SGMS1: variants seen among roughly 807,000 people sequenced by gnomAD.
SGMS1 encodes the protein sphingomyelin synthase 1, also known as phosphatidylcholine:ceramide cholinephosphotransferase 1.
Under a neutral mutation model 46.2 loss-of-function variants are expected in SGMS1, and 13 were observed. That is an observed-to-expected ratio of 0.28 (90% CI 0.18 to 0.45). The LOEUF is 0.45. Ranked by LOEUF, SGMS1 falls within the 20% of genes least tolerant of loss-of-function variation. The probability of loss-of-function intolerance (pLI) is 1.00; values close to 1 mark genes in which losing one functional copy is unlikely to be tolerated. For missense variants in SGMS1, 324 were observed against 519.9 expected, an observed-to-expected ratio of 0.62 and a Z score of 3.66; for synonymous variants, 203 against 187.8, an observed-to-expected ratio of 1.08 and a Z score of -0.66.
intron 3 of SGMS1, among the ~76,000 whole-genome samples, chr10:50,518,105 C>A (rs887093444): frequency 6.6e-6 from 1 of 152,108 alleles, no homozygotes; most frequent in African/African-American, 2.4e-5. Context: ...ATAAAATTGA[C>A]TAATTTGTAT....
At chr10:50,416,096 C>G (rs1324864370) in intron 6 of SGMS1, among the ~76,000 whole-genome samples, 1 of 152,104 alleles carries the variant, frequency 6.6e-6, no homozygotes, top group African/African-American at 2.4e-5. Flanking sequence ...ATGCATAATT[C>G]CTTGAACTTT....
chr10:50,549,462 G>A (rs2133829978), intron 2 of SGMS1, among the ~76,000 whole-genome samples: 1 of 152,248 alleles, frequency 6.6e-6, no homozygotes, highest in South Asian at 2.1e-4. Context: ...AACACCACAT[G>A]TTCTCACTTA....
intron 6 of SGMS1, among the ~76,000 whole-genome samples, chr10:50,432,143 C>T (rs145549066): frequency 1.3e-5 from 2 of 152,232 alleles, no homozygotes. Context: ...AGGAAACCTA[C>T]AATTAGTGGT....
intron 2 of SGMS1, among the ~76,000 whole-genome samples, chr10:50,540,706 T>G (rs1445754680): frequency 3.9e-5 from 6 of 152,136 alleles, no homozygotes; most frequent in Non-Finnish European, 8.8e-5. Context: ...CACGGAGGGC[T>G]GGGGATTAGT....
intron 6 of SGMS1, among the ~76,000 whole-genome samples, chr10:50,345,626 C>T (rs1001193673): frequency 1.3e-5 from 2 of 152,102 alleles, no homozygotes; most frequent in African/African-American, 4.8e-5. Context: ...GGTTGAGAAT[C>T]CCTAATGCTG....
chr10:50,599,089 G>A (rs1159791334), intron 1 of SGMS1, among the ~76,000 whole-genome samples: 1 of 152,126 alleles, frequency 6.6e-6, no homozygotes, highest in Non-Finnish European at 1.5e-5. Flanking sequence ...CTTTCACAGG[G>A]GCTGGGGACA....
intron 6 of SGMS1, among the ~76,000 whole-genome samples, chr10:50,383,661 T>C (rs1051444753): frequency 6.6e-6 from 1 of 152,130 alleles, no homozygotes; most frequent in African/African-American, 2.4e-5. Context: ...TTGTATACTT[T>C]CTCATGTGTT....
rs541801333 is a variant in SGMS1, at chr10:50,355,554, C to T, written c.-231-11209G>A. Among the ~76,000 whole-genome samples, 8 of 152,350 alleles carry T rather than the reference C, an allele frequency of 5.3e-5. No individual in the cohort carries two copies. The South Asian group carries it at 8.3e-4, about 16-fold the overall frequency. ...CCTCCCAAGGTGCCGGGATTGCAGACGGAGTCTCGCTCACTCAGTGCTCAA... is the reference window on the plus strand; with the variant it reads ...CCTCCCAAGGTGCCGGGATTGCAGATGGAGTCTCGCTCACTCAGTGCTCAA... On this transcript the variant is annotated intron_variant, in intron 6 of 10. Coordinates refer to ENST00000361781, the MANE Select transcript of SGMS1 (RefSeq NM_147156.4).
At chr10:50,514,869 G>A (rs1387467261) in intron 3 of SGMS1, among the ~76,000 whole-genome samples, 1 of 152,166 alleles carries the variant, frequency 6.6e-6, no homozygotes. Flanking sequence ...GGCTACTGAT[G>A]AACCTGTTAT....
At position 50,476,049 on chromosome 10, in the gene SGMS1, C is replaced by T. The variant is rs139741875; in HGVS notation, c.-497-9117G>A. 1.2e-4 allele frequency among the ~76,000 whole-genome samples: 16 copies of T among 128,294 alleles called. 1 individual carries two copies. Among genetic ancestry groups the T allele is most frequent in the South Asian group, 7.2e-4 (3 of 4,144 alleles). 84.2% of individuals were successfully genotyped at this position (128,294 alleles called of 152,430 possible). On this transcript the variant is annotated intron_variant, in intron 3 of 10. Coordinates refer to ENST00000361781, the MANE Select transcript of SGMS1 (RefSeq NM_147156.4). Reference sequence around the variant, plus strand: ...GTCGGATCACCTGAGGTCAGGAGTCCGAGACCAGCCTGGCCAACACTGTAA... The same window carrying T: ...GTCGGATCACCTGAGGTCAGGAGTCTGAGACCAGCCTGGCCAACACTGTAA...
intron 6 of SGMS1, among the ~76,000 whole-genome samples, chr10:50,406,704 C>CTTTTTTTTT (rs11424535): frequency 2.8e-5 from 4 of 145,034 alleles, no homozygotes; most frequent in Non-Finnish European, 6.0e-5. Flanking sequence ...AGCTATAATT[C>CTTTTTTTTT]TTTTTTTTTT....
chr10:50,555,285 G>C (rs1046230925), intron 2 of SGMS1, among the ~76,000 whole-genome samples: 19 of 152,182 alleles, frequency 1.2e-4, no homozygotes, highest in Non-Finnish European at 2.2e-4. Context: ...ATTCATCCAA[G>C]TAACTCAATT....
intron 6 of SGMS1, among the ~76,000 whole-genome samples, chr10:50,390,363 C>A (rs972574244): frequency 1.3e-5 from 2 of 152,166 alleles, no homozygotes; most frequent in Admixed American, 1.3e-4. Flanking sequence ...TTATGCTTTA[C>A]TGAATAAAGC....
At chr10:50,349,110 C>T (rs1157156786) in intron 6 of SGMS1, among the ~76,000 whole-genome samples, 4 of 152,194 alleles carry the variant, frequency 2.6e-5, no homozygotes, top group African/African-American at 9.7e-5. Context: ...AAGGTGAGCC[C>T]CATCAGGGCC....
At chr10:50,551,288 T>C (rs1427124184) in intron 2 of SGMS1, among the ~76,000 whole-genome samples, 1 of 151,402 alleles carries the variant, frequency 6.6e-6, no homozygotes, top group African/African-American at 2.4e-5. Flanking sequence ...ATAACCCCAA[T>C]CTAATCATTA....
chr10:50,307,967 A>G lies in SGMS1; in HGVS notation c.1062+15T>C. 6.2e-7 allele frequency: 1 copy of G among 1,613,026 alleles called. No individual in the cohort carries two copies. Among genetic ancestry groups the G allele is most frequent in the African/African-American group, 1.3e-5 (1 of 74,982 alleles). Reference sequence around the variant, plus strand: ...AGAAACAACAGAAGCTAAAATCAAAAGCGGGGAAACTCACTTGCTGATTGG... The same window carrying G: ...AGAAACAACAGAAGCTAAAATCAAAGGCGGGGAAACTCACTTGCTGATTGG... On this transcript the variant is annotated intron_variant, in intron 10 of 10. Coordinates refer to ENST00000361781, the MANE Select transcript of SGMS1 (RefSeq NM_147156.4). This position sits in a 1 kb window ranked among gnomAD's most constrained non-coding sequence, Gnocchi z 4.2.
chr10:50,338,264 C>T (rs1847750159), intron 7 of SGMS1, among the ~76,000 whole-genome samples: 1 of 152,154 alleles, frequency 6.6e-6, no homozygotes, highest in Non-Finnish European at 1.5e-5. Context: ...AACCCATAAC[C>T]CAACTGTCCA....
At chr10:50,509,775 G>T (rs1159773561) in intron 3 of SGMS1, among the ~76,000 whole-genome samples, 1 of 152,214 alleles carries the variant, frequency 6.6e-6, no homozygotes, top group African/African-American at 2.4e-5. Flanking sequence ...GAGGCATTCT[G>T]TATAACTAAT....
intron 2 of SGMS1, among the ~76,000 whole-genome samples, chr10:50,527,880 G>A: frequency 6.6e-6 from 1 of 152,150 alleles, no homozygotes; most frequent in Non-Finnish European, 1.5e-5. Flanking sequence ...GGATTTGATT[G>A]GCAGGTCCTC....
Sources: gnomAD v4.1 joint callset for allele counts (sites outside exome capture counted in the v4.1 genomes callset) on GRCh38, gnomAD v4.1.1 for gene constraint, Gnocchi (gnomAD v3.1) non-coding constraint, MANE v1.5 for transcripts, NCBI Gene and HGNC (gene_info 2026-07-23, HGNC 2026-07-21) for gene names.